MUC15: variants seen among roughly 807,000 people sequenced by gnomAD.
MUC15 encodes mucin 15, cell surface associated.
A neutral mutation model predicts 24.0 loss-of-function variants in MUC15; 23 were observed. The observed-to-expected ratio is 0.96, with a 90% CI of 0.69 to 1.36. The LOEUF (loss-of-function observed/expected upper bound fraction) is 1.36, where lower values mean the gene tolerates loss of function less well. Ranked by LOEUF, MUC15 falls within the 40% of genes most tolerant of loss-of-function variation. The probability of loss-of-function intolerance (pLI) is 0.00; values close to 1 mark genes in which losing one functional copy is unlikely to be tolerated. For missense variants in MUC15, 442 were observed against 428.2 expected (o/e 1.03, Z -0.29); for synonymous variants, 151 against 156.3 (o/e 0.97, Z 0.25).
intron 1 of MUC15, among the ~76,000 whole-genome samples, chr11:26,568,679 CA>C (rs1193753506): frequency 6.6e-6 from 1 of 152,024 alleles, no homozygotes; most frequent in East Asian, 1.9e-4. Context: ...ATGAAGTTTA[CA>C]GATTAGCATT....
Position 26,563,206 on chromosome 11 carries a change from A to G in MUC15, c.835T>C (p.Leu279=), listed in dbSNP as rs374721856. The change falls in exon 4 of 5, where the codon TTG becomes CTG. Residue 279 remains leucine, a synonymous_variant. Coordinates refer to ENST00000529533, the MANE Select transcript of MUC15 (RefSeq NM_001135091.2). ...AACAAGTAGCCCACAAGAGTAAGCA[A>G]TGAGACACCCAGAATAGCACCTAAA... ...AILGAILGVS[L]LTLVGYLLCG... is the part of the protein sequence containing the mutation. 2.0e-5 allele frequency: 32 copies of G among 1,612,430 alleles called. No homozygotes were observed. In the African/African-American group the frequency reaches 3.1e-4, roughly 15 times the overall value.
rs1850538785 is a variant in MUC15 at position 26,565,562 on chromosome 11, A to G, written c.378T>C (p.Ser126=). ...TGGAAATGGTAGATGTGGGTTTTAGACTGCCCAAAGAATGCTCTGCTGATG... is the reference window on the plus strand; with the variant it reads ...TGGAAATGGTAGATGTGGGTTTTAGGCTGCCCAAAGAATGCTCTGCTGATG... ...SNSSAEHSLG[S]LKPTSTISTS... The change falls in exon 3 of 5, where the codon AGT becomes AGC. Residue 126 remains serine, a synonymous_variant. Transcript: ENST00000529533. 1 of 1,613,078 alleles carries G rather than the reference A, an allele frequency of 6.2e-7. No homozygotes were observed. The highest frequency in any genetic ancestry group is 1.7e-5 in the Admixed American group (1 of 59,862).
At position 26,559,757 on chromosome 11, in the gene MUC15, T is replaced by C. The variant is rs777864458; in HGVS notation, c.*1308A>G. 6.2e-7 allele frequency: 1 copy of C among 1,612,218 alleles called. No homozygotes were observed. Among genetic ancestry groups the C allele is most frequent in the Admixed American group, 1.7e-5 (1 of 59,968 alleles). On this transcript the variant is annotated 3_prime_UTR_variant, in exon 5 of 5. Coordinates refer to ENST00000529533, the MANE Select transcript of MUC15 (RefSeq NM_001135091.2). Reference sequence around the variant, plus strand: ...TCGATAATGGAGGGACAGTCTTCTTTGCTATTTTTATGGCAATATGGGGTA... The same window carrying C: ...TCGATAATGGAGGGACAGTCTTCTTCGCTATTTTTATGGCAATATGGGGTA...
In MUC15 at chr11:26,565,407, C is replaced by A; in HGVS notation, c.533G>T (p.Trp178Leu). 1.2e-6 allele frequency: 2 copies of A among 1,613,186 alleles called. No homozygotes were observed. The highest frequency in any genetic ancestry group is 1.1e-5 in the South Asian group (1 of 91,054). The stretch of plus-strand genomic sequence containing the variant: ...TTTCACGGTGTCATTGACCAAAGAC[C>A]AAGTGAAGTTTTCTGAAGACAGAGC... ...TPALSSENFT[W>L]SLVNDTVKTP... Residue 178 changes from tryptophan (W) to leucine (L), a missense_variant, in exon 3 of 5, where the codon TGG becomes TTG. Coordinates refer to ENST00000529533, the MANE Select transcript of MUC15 (RefSeq NM_001135091.2).
At chr11:26,571,454 A>G (rs1355385268) in intron 1 of MUC15, among the ~76,000 whole-genome samples, 1 of 152,168 alleles carries the variant, frequency 6.6e-6, no homozygotes, top group Non-Finnish European at 1.5e-5. Flanking sequence ...AAAGTTAGAC[A>G]TGTACACATA....
rs1565110153 is a variant in MUC15 at position 26,565,420 on chromosome 11, C to T, written c.520G>A (p.Glu174Lys). ...TTGACCAAAGACCAAGTGAAGTTTTCTGAAGACAGAGCAGGTGTAGCATTG... is the reference window on the plus strand; with the variant it reads ...TTGACCAAAGACCAAGTGAAGTTTTTTGAAGACAGAGCAGGTGTAGCATTG... The part of the protein sequence containing the change: ...HPNATPALSS[E>K]NFTWSLVNDT... Residue 174 changes from glutamate (E) to lysine (K), a missense_variant, in exon 3 of 5, where the codon GAA becomes AAA. Coordinates refer to ENST00000529533, the MANE Select transcript of MUC15 (RefSeq NM_001135091.2). 1 of 1,613,376 alleles carries T rather than the reference C, an allele frequency of 6.2e-7. No individual in the cohort carries two copies. The highest frequency in any genetic ancestry group is 1.7e-5 in the Admixed American group (1 of 59,918).
In MUC15 at chr11:26,560,676, A is replaced by T. The variant is rs1850252859; in HGVS notation, c.*389T>A. On this transcript the variant is annotated 3_prime_UTR_variant, in exon 5 of 5. Transcript: ENST00000529533. ...AAATGCAATCTTGAATTATGGTACTAGGGCTTCAGGCAGAGCAGTAAAGAG... is the reference window on the plus strand; with the variant it reads ...AAATGCAATCTTGAATTATGGTACTTGGGCTTCAGGCAGAGCAGTAAAGAG... The T allele has an allele frequency of 1.3e-5, 2 of 156,724 alleles. No individual in the cohort carries two copies. Among genetic ancestry groups the T allele is most frequent in the Non-Finnish European group, 2.8e-5 (2 of 71,034 alleles). 9.7% of individuals were successfully genotyped at this position (156,724 alleles called of 1,614,324 possible).
chr11:26,563,036 C>A, intron 4 of MUC15, 80 bp downstream of exon 4: 2 of 1,528,874 alleles, frequency 1.3e-6, no homozygotes, highest in Middle Eastern at 3.6e-4. Context: ...GAATTACCTT[C>A]TAGGCAATGC....
In MUC15 at chr11:26,565,862, AG is replaced by A; in HGVS notation, c.77del (p.Pro26LeufsTer6). ...SFKKKPIPKK[P>X]TMLALAKILL... ...GAATTTTGGCTAAGGCCAACATTGT[AG>A]GCTTCTTTGGTATTGGTTTTTTTTT... On this transcript the variant is annotated frameshift_variant, in exon 3 of 5. Coordinates refer to ENST00000529533, the MANE Select transcript of MUC15 (RefSeq NM_001135091.2). LOFTEE classifies it high-confidence loss of function. 1 of 1,599,822 alleles carries A rather than the reference AG, an allele frequency of 6.3e-7. No individual in the cohort carries two copies.
chr11:26,569,007 TG>T (rs368957069), intron 1 of MUC15, among the ~76,000 whole-genome samples: 1 of 152,098 alleles, frequency 6.6e-6, no homozygotes, highest in African/African-American at 2.4e-5. Flanking sequence ...TGGTCACCAG[TG>T]GGGGGAAAAA....
chr11:26,564,789 T>TTAAGTGTGCTTCACTTTC (rs748174773), intron 3 of MUC15, among the ~76,000 whole-genome samples: 1 of 99,706 alleles, frequency 1.0e-5, no homozygotes, highest in Admixed American at 1.2e-4. Context: ...ATATATAAGT[T>TTAAGTGTGCTTCACTTTC]CAGTTGTATA....
chr11:26,570,784 CTGAG>C (rs1850793334), intron 1 of MUC15, among the ~76,000 whole-genome samples: 1 of 152,014 alleles, frequency 6.6e-6, no homozygotes. Context: ...GAGTGTTACT[CTGAG>C]TGACTTTTTC....
rs761446061 is a variant in MUC15 at position 26,563,157 on chromosome 11, G to C, written c.884C>G (p.Ser295Ter). 1 of 1,612,310 alleles carries C rather than the reference G, an allele frequency of 6.2e-7. No individual in the cohort carries two copies. The highest frequency in any genetic ancestry group is 8.5e-7 in the Non-Finnish European group (1 of 1,178,894). The change falls in exon 4 of 5, where the codon TCA becomes TGA. Residue 295 changes from serine to a stop codon, truncating the protein, a stop_gained. Coordinates refer to ENST00000529533, the MANE Select transcript of MUC15 (RefSeq NM_001135091.2). LOFTEE classifies it high-confidence loss of function. ...GTCATAAAGTCGCCGATGGGAAAAT[G>C]AATCCGTTTTCCTTTTTCCACACAA... The part of the protein sequence containing the change: ...YLLCGKRKTD[S>*]FSHRRLYDDR...
intron 3 of MUC15, among the ~76,000 whole-genome samples, chr11:26,564,129 T>C (rs552298389): frequency 8.6e-5 from 13 of 151,848 alleles, no homozygotes; most frequent in Non-Finnish European, 1.6e-4. Context: ...TTTTTTTACA[T>C]AAAATAGCAA....
rs1047743795 is a variant in MUC15 at position 26,560,107 on chromosome 11, A to G, written c.*958T>C. 1 of 223,940 alleles carries G rather than the reference A, an allele frequency of 4.5e-6. No homozygotes were observed. Among genetic ancestry groups the G allele is most frequent in the African/African-American group, 2.3e-5 (1 of 44,080 alleles). The allele number at this position is 223,940 out of a possible 1,614,324, so 13.9% of individuals were successfully genotyped here. ...ATCTTCTTATATTATTGATTATGAA[A>G]CTGATGCTCAGTAAAAAGTTGTTTG... is the stretch of plus-strand genomic sequence containing the variant. On this transcript the variant is annotated 3_prime_UTR_variant, in exon 5 of 5. Coordinates refer to ENST00000529533, the MANE Select transcript of MUC15 (RefSeq NM_001135091.2).
chr11:26,564,684 C>G (rs1347957602), intron 3 of MUC15, among the ~76,000 whole-genome samples: 1 of 79,000 alleles, frequency 1.3e-5, no homozygotes, highest in Non-Finnish European at 2.6e-5. Flanking sequence ...TATATATACT[C>G]ATATATATAC....
chr11:26,563,255 A>G lies in MUC15; in HGVS notation c.786T>C (p.Asn262=), dbSNP rs762393522. 6.3e-7 allele frequency: 1 copy of G among 1,597,926 alleles called. No individual in the cohort carries two copies. The highest frequency in any genetic ancestry group is 8.5e-7 in the Non-Finnish European group (1 of 1,173,344). The change falls in exon 4 of 5, where the codon AAT becomes AAC. Residue 262 remains asparagine (N), a synonymous_variant. Coordinates refer to ENST00000529533, the MANE Select transcript of MUC15 (RefSeq NM_001135091.2). ...AAATGGCCCCGAATACTATTCCTGTATTTCTATTTTCTACAGGACAAAAAA... is the reference window on the plus strand; with the variant it reads ...AAATGGCCCCGAATACTATTCCTGTGTTTCTATTTTCTACAGGACAAAAAA... The part of the protein sequence containing the change: ...NTSDPQKENR[N]TGIVFGAILG...
At chr11:26,564,765 A>T (rs1458956429) in intron 3 of MUC15, among the ~76,000 whole-genome samples, 3,714 of 101,442 alleles carry the variant, frequency 0.037, 259 homozygotes, top group Non-Finnish European at 0.057. Context: ...ATATATATAT[A>T]TATATATATA....
rs1850260240 is a variant in MUC15 at position 26,560,868 on chromosome 11, A to T, written c.*197T>A. 3 of 490,408 alleles carry T rather than the reference A, an allele frequency of 6.1e-6. No individual in the cohort carries two copies. Among genetic ancestry groups the T allele is most frequent in the Non-Finnish European group, 7.0e-6 (2 of 285,044 alleles). 30.4% of individuals were successfully genotyped at this position (490,408 alleles called of 1,614,324 possible). A position where few individuals can be genotyped will look rare whatever the true frequency, so the allele number is the denominator to read the frequency against. ...AAGGCTACTTAGTAAATGCCTCAGG[A>T]TGGCCAAAAATTGTAAGAAAGAAAA... On this transcript the variant is annotated 3_prime_UTR_variant, in exon 5 of 5. Transcript: ENST00000529533.
Sources: allele counts gnomAD v4.1 joint callset (sites outside exome capture counted in the v4.1 genomes callset), GRCh38; gene constraint gnomAD v4.1.1; transcripts MANE v1.5; gene names NCBI Gene and HGNC (gene_info 2026-07-23, HGNC 2026-07-21).